RBFOX2: variants seen among roughly 807,000 people sequenced by gnomAD.
RBFOX2 encodes RNA binding protein fox-1 homolog 2.
Under a neutral mutation model 49.1 loss-of-function variants are expected in RBFOX2, and 10 were observed. The observed-to-expected ratio is 0.20, with a 90% CI of 0.13 to 0.35. The LOEUF is 0.35. Among genes scored for constraint, RBFOX2 ranks in the 10% least tolerant of loss-of-function variants. The probability of loss-of-function intolerance (pLI) is 1.00; values close to 1 mark genes in which losing one functional copy is unlikely to be tolerated. For missense variants in RBFOX2, 323 were observed against 486.9 expected, an observed-to-expected ratio of 0.66 and a Z score of 3.17; for synonymous variants, 183 against 187.4, an observed-to-expected ratio of 0.98 and a Z score of 0.19.
chr22:35,853,124 T>A lies in RBFOX2; in HGVS notation c.-33-43120A>T, dbSNP rs955719579. On this transcript the variant is annotated intron_variant, in intron 1 of 13. Coordinates refer to the RBFOX2 transcript ENST00000359369. ...GCCTGGCCAACATGACGAAACTCCATCTCTACTAAAAATACAAAAATTAGC... is the reference window on the plus strand; with the variant it reads ...GCCTGGCCAACATGACGAAACTCCAACTCTACTAAAAATACAAAAATTAGC... 2.0e-5 allele frequency among the ~76,000 whole-genome samples: 3 copies of A among 151,634 alleles called. No individual in the cohort carries two copies. The South Asian group carries it at 6.2e-4, about 32-fold the overall frequency.
chr22:35,901,718 T>C (rs2048595861), intron 1 of RBFOX2, among the ~76,000 whole-genome samples: 2 of 152,116 alleles, frequency 1.3e-5, no homozygotes, highest in Admixed American at 1.3e-4. Context: ...GAAAGGCAAT[T>C]AAGTGATTTG....
intron 1 of RBFOX2, among the ~76,000 whole-genome samples, chr22:35,850,303 G>A (rs2041793654): frequency 6.6e-6 from 1 of 151,692 alleles, no homozygotes; most frequent in African/African-American, 2.4e-5. Context: ...GCCACGGAAA[G>A]GAATGGGAGA....
At position 35,977,546 on chromosome 22, in the gene RBFOX2, G is replaced by A. The variant is rs558107164; in HGVS notation, c.187-38649C>T. 2.6e-5 allele frequency among the ~76,000 whole-genome samples: 4 copies of A among 151,746 alleles called. No individual in the cohort carries two copies. In the East Asian group the frequency reaches 5.8e-4, roughly 22 times the overall value. ...TCTGATCAGTGATGCCAGTGGCTGC[G>A]GATGCGAAGAGAGAACTAACTGTGA... On this transcript the variant is annotated intron_variant, in intron 1 of 13. Coordinates refer to the RBFOX2 transcript ENST00000438146.
intron 1 of RBFOX2, among the ~76,000 whole-genome samples, chr22:35,930,444 AAT>A (rs2052257388): frequency 6.6e-6 from 1 of 152,204 alleles, no homozygotes; most frequent in Admixed American, 6.5e-5. Context: ...ATATAAAATA[AAT>A]AGTCATAATA....
At chr22:35,838,596 C>G (rs1391861811) in intron 1 of RBFOX2, among the ~76,000 whole-genome samples, 1 of 152,188 alleles carries the variant, frequency 6.6e-6, no homozygotes, top group African/African-American at 2.4e-5. Flanking sequence ...GGACCTCTGC[C>G]TCATCTTTCT....
chr22:35,778,385 T>C (rs1034968705), intron 3 of RBFOX2, among the ~76,000 whole-genome samples: 3 of 152,114 alleles, frequency 2.0e-5, no homozygotes, highest in Non-Finnish European at 2.9e-5. Context: ...TTTAGAACAG[T>C]CTCAGATTTA....
intron 2 of RBFOX2, among the ~76,000 whole-genome samples, chr22:35,785,424 G>A (rs1232242869): frequency 6.6e-6 from 1 of 152,146 alleles, no homozygotes; most frequent in Non-Finnish European, 1.5e-5. Flanking sequence ...TTTAAAACAG[G>A]AGTGGAACTT....
At chr22:35,881,259 G>A (rs921123187) in intron 1 of RBFOX2, among the ~76,000 whole-genome samples, 6 of 149,996 alleles carry the variant, frequency 4.0e-5, no homozygotes, top group Admixed American at 6.6e-5. Flanking sequence ...GTGAGACTCC[G>A]TCTCGGGTGG....
rs558037396 is a variant in RBFOX2 at position 35,758,319 on chromosome 22, C to T, written c.887+1569G>A. On this transcript the variant is annotated intron_variant, in intron 9 of 11. Coordinates refer to ENST00000405409, the Ensembl canonical transcript of RBFOX2. ...CTCAAGTTTGGTCAATATACTGAAA[C>T]GACTACATTGAACAGGACTAAATTC... 1.2e-4 allele frequency among the ~76,000 whole-genome samples: 19 copies of T among 152,236 alleles called. No individual in the cohort carries two copies. The South Asian group carries it at 2.5e-3, about 20-fold the overall frequency.
chr22:35,881,466 C>A (rs1229363817), intron 1 of RBFOX2, among the ~76,000 whole-genome samples: 1 of 151,640 alleles, frequency 6.6e-6, no homozygotes, highest in African/African-American at 2.4e-5. Flanking sequence ...TAGTCCCACC[C>A]AGCTACTCGA....
chr22:35,750,942 T>C (rs1258745656), intron 9 of RBFOX2, among the ~76,000 whole-genome samples: 1 of 152,262 alleles, frequency 6.6e-6, no homozygotes, highest in Non-Finnish European at 1.5e-5. Flanking sequence ...TTTTCTGCAG[T>C]TGTTAAAGTC....
chr22:35,769,859 G>A (rs972424529), intron 4 of RBFOX2, among the ~76,000 whole-genome samples: 1 of 152,124 alleles, frequency 6.6e-6, no homozygotes, highest in African/African-American at 2.4e-5. Context: ...ATGTGGGTGG[G>A]TGGTGTTTTG....
chr22:35,913,574 A>C (rs1569484035), intron 1 of RBFOX2, among the ~76,000 whole-genome samples: 1 of 151,294 alleles, frequency 6.6e-6, no homozygotes, highest in South Asian at 2.1e-4. Flanking sequence ...ATATATATAT[A>C]GATGGATAGA....
chr22:36,021,235 G>A, intron 1 of RBFOX2, among the ~76,000 whole-genome samples: 1 of 120,570 alleles, frequency 8.3e-6, no homozygotes, highest in East Asian at 3.0e-4. Context: ...ATCACACAAT[G>A]GGGCCTGTCC....
At chr22:35,945,237 C>T (rs1292526249) in intron 1 of RBFOX2, among the ~76,000 whole-genome samples, 5 of 152,056 alleles carry the variant, frequency 3.3e-5, no homozygotes, top group Non-Finnish European at 7.4e-5. Flanking sequence ...GGAAACAGAC[C>T]ACACTGACTA....
intron 1 of RBFOX2, among the ~76,000 whole-genome samples, chr22:35,951,298 T>G (rs1260070319): frequency 7.9e-6 from 1 of 126,110 alleles, no homozygotes; most frequent in Non-Finnish European, 1.6e-5. Context: ...CAGGCTGGAG[T>G]GCAGTGGCGT....
At chr22:35,886,206 C>T (rs1181079867) in intron 1 of RBFOX2, among the ~76,000 whole-genome samples, 1 of 152,098 alleles carries the variant, frequency 6.6e-6, no homozygotes, top group Non-Finnish European at 1.5e-5. Context: ...GTTCATTATA[C>T]CTAGAATATC....
At chr22:35,864,978 G>C (rs1363684699) in intron 1 of RBFOX2, among the ~76,000 whole-genome samples, 2 of 152,176 alleles carry the variant, frequency 1.3e-5, no homozygotes, top group Non-Finnish European at 2.9e-5. Context: ...TTTAATCTTA[G>C]GTTTAAGAAT....
At chr22:35,993,607 C>G (rs1021378357) in intron 1 of RBFOX2, 1 of 152,144 alleles carries the variant, frequency 6.6e-6, no homozygotes, top group African/African-American at 2.4e-5. Flanking sequence ...AAATTTCTGA[C>G]CTACAGAAAC....
Sources: allele counts gnomAD v4.1 joint callset (sites outside exome capture counted in the v4.1 genomes callset), GRCh38; gene constraint gnomAD v4.1.1; transcripts MANE v1.5; gene names NCBI Gene and HGNC (gene_info 2026-07-23, HGNC 2026-07-21).